Variants in UNC13C observed in about 807,000 individuals in gnomAD.
The protein encoded by UNC13C is protein unc-13 homolog C.
UNC13C carries 174 observed loss-of-function variants against 245.4 expected under a neutral mutation model. The ratio of observed to expected loss-of-function variants is 0.71; its 90% confidence interval spans 0.63 to 0.80. The LOEUF (loss-of-function observed/expected upper bound fraction) is 0.80, where lower values mean the gene tolerates loss of function less well. UNC13C is among the 30% of genes least tolerant of loss of function. UNC13C has a pLI of 0.00. For synonymous variants in UNC13C, 992 were observed against 895.1 expected, an observed-to-expected ratio of 1.11 and a Z score of -1.93; for missense variants, 2,829 against 2,602.9, an observed-to-expected ratio of 1.09 and a Z score of -1.89.
the UNC13C span, among the ~76,000 whole-genome samples, chr15:53,847,868 G>A: frequency 1.9e-3 from 284 of 152,172 alleles, 1 homozygote; most frequent in African/African-American, 6.6e-3. Context: ...GTGTGTTTTG[G>A]ATGAATTTGA....
At chr15:53,992,642 A>G (rs1342131454) in intron 1 of UNC13C, among the ~76,000 whole-genome samples, 1 of 152,054 alleles carries the variant, frequency 6.6e-6, no homozygotes, top group Admixed American at 6.6e-5. Context: ...GGCAAATCCA[A>G]CCTGCCCAAG....
chr15:54,485,697 T>C (rs1294054243), intron 19 of UNC13C, among the ~76,000 whole-genome samples: 1 of 152,218 alleles, frequency 6.6e-6, no homozygotes, highest in Non-Finnish European at 1.5e-5. Flanking sequence ...GGTTTCTCTC[T>C]GAACCCAGAT....
intron 17 of UNC13C, among the ~76,000 whole-genome samples, chr15:54,361,054 G>C (rs2039218972): frequency 6.6e-6 from 1 of 151,836 alleles, no homozygotes. Flanking sequence ...ATGCTTTCTG[G>C]GTCTTTTCCC....
intron 4 of UNC13C, among the ~76,000 whole-genome samples, chr15:54,209,252 G>C (rs1056909188): frequency 6.6e-6 from 1 of 152,102 alleles, no homozygotes; most frequent in Non-Finnish European, 1.5e-5. Context: ...TGTATTTGAA[G>C]TTCTGTATTA....
rs188654063 is a variant in UNC13C at position 54,069,818 on chromosome 15, T to C, written c.2983+53932T>C. Among the ~76,000 whole-genome samples the C allele has an allele frequency of 1.1e-4, 17 of 152,340 alleles. No individual in the cohort carries two copies. The East Asian group carries it at 2.9e-3, about 26-fold the overall frequency. On this transcript the variant is annotated intron_variant, in intron 2 of 32. Transcript: ENST00000260323. The stretch of plus-strand genomic sequence containing the variant: ...AGCAGTTACTGGATCTGATTTTCTG[T>C]AGATAGTGAAGAGCCATGTGAGGAG...
chr15:54,028,793 C>T (rs1341702326), intron 2 of UNC13C, among the ~76,000 whole-genome samples: 1 of 149,528 alleles, frequency 6.7e-6, no homozygotes, highest in East Asian at 2.0e-4. Flanking sequence ...CGGGTTCACA[C>T]TCTTCTCCTG....
At chr15:53,934,871 T>C in the UNC13C span, among the ~76,000 whole-genome samples, 3 of 152,158 alleles carry the variant, frequency 2.0e-5, no homozygotes, top group Non-Finnish European at 4.4e-5. Context: ...ATCCCATTCA[T>C]GAGGATTCCA....
chr15:54,363,388 T>G (rs2039282475), intron 17 of UNC13C, among the ~76,000 whole-genome samples: 1 of 152,184 alleles, frequency 6.6e-6, no homozygotes. Flanking sequence ...GGACTACAGG[T>G]GTGAGCCACC....
At chr15:54,631,442 C>A (rs1053884203), downstream of UNC13C, 2 of 152,198 alleles carry the variant, frequency 1.3e-5, no homozygotes, top group African/African-American at 4.8e-5. Flanking sequence ...GTATTAATCA[C>A]AACAGTCAAG....
At chr15:54,300,494 T>G (rs1472587477) in intron 13 of UNC13C, 121 bp downstream of exon 13, 1 of 1,024,298 alleles carries the variant, frequency 9.8e-7, no homozygotes, top group Non-Finnish European at 1.4e-6. Flanking sequence ...TATTTCACTG[T>G]GCATGTTTGA....
chr15:53,945,860 T>A, the UNC13C span, among the ~76,000 whole-genome samples: 3,145 of 152,318 alleles, frequency 0.021, 140 homozygotes, highest in African/African-American at 0.072. Context: ...TTAATGATAA[T>A]GATTCTTCCT....
chr15:54,424,000 CAG>C (rs2040705728), intron 19 of UNC13C, among the ~76,000 whole-genome samples: 1 of 151,520 alleles, frequency 6.6e-6, no homozygotes, highest in Non-Finnish European at 1.5e-5. Flanking sequence ...AAAAAGGAAA[CAG>C]AAATATTTAC....
intron 17 of UNC13C, among the ~76,000 whole-genome samples, chr15:54,372,754 A>C (rs1304632102): frequency 1.3e-5 from 2 of 152,340 alleles, no homozygotes; most frequent in Middle Eastern, 3.4e-3. Flanking sequence ...AATTGCATGC[A>C]GAAATTTCAC....
At chr15:54,189,477 G>A (rs2034107941) in intron 4 of UNC13C, among the ~76,000 whole-genome samples, 1 of 152,096 alleles carries the variant, frequency 6.6e-6, no homozygotes, top group Non-Finnish European at 1.5e-5. Flanking sequence ...AGCTCCACAA[G>A]TAATAACTAC....
intron 30 of UNC13C, among the ~76,000 whole-genome samples, chr15:54,596,672 G>A (rs1173357992): frequency 2.0e-5 from 3 of 152,168 alleles, no homozygotes; most frequent in Non-Finnish European, 4.4e-5. Flanking sequence ...GGATCTAGTG[G>A]GAGGTGTTTG....
the UNC13C span, among the ~76,000 whole-genome samples, chr15:53,944,299 G>A: frequency 6.6e-6 from 1 of 151,756 alleles, no homozygotes; most frequent in Non-Finnish European, 1.5e-5. Context: ...TGCAAGTTTT[G>A]TTATATAATT....
intron 4 of UNC13C, among the ~76,000 whole-genome samples, chr15:54,217,314 T>C (rs1361589210): frequency 4.6e-5 from 7 of 151,898 alleles, no homozygotes; most frequent in African/African-American, 1.7e-4. Context: ...AACCAGGATG[T>C]GGCATCATCA....
chr15:54,310,249 T>C (rs957250402), intron 13 of UNC13C, among the ~76,000 whole-genome samples: 12 of 151,834 alleles, frequency 7.9e-5, no homozygotes, highest in African/African-American at 2.9e-4. Context: ...AAGTAAATGA[T>C]TTTCAATGAA....
At chr15:54,156,559 A>G (rs1468590409) in intron 4 of UNC13C, among the ~76,000 whole-genome samples, 3 of 152,198 alleles carry the variant, frequency 2.0e-5, no homozygotes, top group Middle Eastern at 3.4e-3. Context: ...AATAAGTTGC[A>G]TTTATTTGTA....
Sources: allele counts gnomAD v4.1 joint callset (sites outside exome capture counted in the v4.1 genomes callset), GRCh38; gene constraint gnomAD v4.1.1; transcripts MANE v1.5; gene names NCBI Gene and HGNC (gene_info 2026-07-23, HGNC 2026-07-21).